ANKRD11: variants seen among roughly 807,000 people sequenced by gnomAD.
ANKRD11 encodes ankyrin repeat domain-containing protein 11.
A neutral mutation model predicts 195.7 loss-of-function variants in ANKRD11; 17 were observed. That is an observed-to-expected ratio of 0.09 (90% CI 0.06 to 0.13). The LOEUF is 0.13. Among genes scored for constraint, ANKRD11 ranks in the 10% least tolerant of loss-of-function variants. The pLI, the probability that ANKRD11 is intolerant of heterozygous loss-of-function variation, is 1.00. For missense variants in ANKRD11, 3,735 were observed against 3,566.1 expected, an observed-to-expected ratio of 1.05 and a Z score of -1.21; for synonymous variants, 1,953 against 1,528.1, an observed-to-expected ratio of 1.28 and a Z score of -6.49.
At chr16:89,451,372 T>A (rs2044064049) in intron 1 of ANKRD11, among the ~76,000 whole-genome samples, 1 of 152,110 alleles carries the variant, frequency 6.6e-6, no homozygotes, top group African/African-American at 2.4e-5. Context: ...GTGCCAAAAA[T>A]TTTCTAAAAT....
At chr16:89,341,566 A>T (rs1207588704) in intron 2 of ANKRD11, among the ~76,000 whole-genome samples, 5 of 151,160 alleles carry the variant, frequency 3.3e-5, no homozygotes, top group Non-Finnish European at 5.9e-5. Flanking sequence ...ATAATGGCAT[A>T]AAAAAAATTC....
chr16:89,433,323 ATTAGTC>A (rs2043078183), intron 1 of ANKRD11, among the ~76,000 whole-genome samples: 1 of 152,236 alleles, frequency 6.6e-6, no homozygotes, highest in Admixed American at 6.5e-5. Flanking sequence ...CTACAAGTTA[ATTAGTC>A]CATTTCTAGG....
intron 2 of ANKRD11, chr16:89,392,235 T>C (rs1442265055): frequency 6.6e-6 from 1 of 152,292 alleles, no homozygotes; most frequent in Non-Finnish European, 1.5e-5. Context: ...GAGTGTACCC[T>C]TTCTGCAGAA....
At chr16:89,486,005 G>T (rs1260431867) in intron 1 of ANKRD11, among the ~76,000 whole-genome samples, 1 of 152,202 alleles carries the variant, frequency 6.6e-6, no homozygotes, top group Non-Finnish European at 1.5e-5. Context: ...ACTCTGGCCT[G>T]AAAACAGCAG....
intron 2 of ANKRD11, among the ~76,000 whole-genome samples, chr16:89,325,823 G>A (rs575548208): frequency 1.7e-4 from 26 of 152,208 alleles, no homozygotes; most frequent in Non-Finnish European, 3.4e-4. Flanking sequence ...TTTTGCTGCA[G>A]GACCTGTTCT....
chr16:89,423,514 G>A (rs1421156253), intron 1 of ANKRD11, among the ~76,000 whole-genome samples: 1 of 152,230 alleles, frequency 6.6e-6, no homozygotes, highest in Non-Finnish European at 1.5e-5. Context: ...TACTTTTTCA[G>A]TAACTTCAAA....
intron 2 of ANKRD11, among the ~76,000 whole-genome samples, chr16:89,411,704 C>T (rs970323980): frequency 2.0e-5 from 3 of 152,064 alleles, no homozygotes; most frequent in East Asian, 1.9e-4. Context: ...AGTTTACATT[C>T]GGAACCCACC....
At chr16:89,440,121 A>G (rs2043382930) in intron 1 of ANKRD11, among the ~76,000 whole-genome samples, 1 of 152,194 alleles carries the variant, frequency 6.6e-6, no homozygotes, top group African/African-American at 2.4e-5. Flanking sequence ...GCTCACCCGC[A>G]ACCATTTCCC....
intron 2 of ANKRD11, among the ~76,000 whole-genome samples, chr16:89,389,283 C>A (rs1332657427): frequency 6.6e-6 from 1 of 152,038 alleles, no homozygotes; most frequent in African/African-American, 2.4e-5. Flanking sequence ...CCTTGGCTTC[C>A]TACAGTGCTG....
rs1484819896 is a variant in ANKRD11, at chr16:89,281,120, T to C, written c.5422A>G (p.Lys1808Glu). 5 of 1,611,926 alleles carry C rather than the reference T, an allele frequency of 3.1e-6. No individual in the cohort carries two copies. The highest frequency in any genetic ancestry group is 1.3e-5 in the African/African-American group (1 of 74,822). ...GGAACGCTCTGCTGCCTGAAGAGCT[T>C]GTCTCCGACGCTGAATTCTTCCTCG... is the stretch of plus-strand genomic sequence containing the variant. ...TPEEEFSVGD[K>E]LFRQQSVPAA... is the part of the protein sequence containing the mutation. Residue 1808 changes from lysine to glutamate, a missense_variant, in exon 9 of 13, where the codon AAG becomes GAG. Transcript: ENST00000301030. The surrounding 1 kb of genome is among the most constrained non-coding windows in gnomAD (Gnocchi z 5.5).
intron 2 of ANKRD11, among the ~76,000 whole-genome samples, chr16:89,375,904 G>C (rs2040404525): frequency 3.3e-5 from 5 of 151,904 alleles, no homozygotes; most frequent in Admixed American, 3.3e-4. Context: ...CTCCCAAGAA[G>C]CAGAGCTCCC....
chr16:89,411,272 A>C (rs532929697), intron 2 of ANKRD11, among the ~76,000 whole-genome samples: 5 of 152,324 alleles, frequency 3.3e-5, no homozygotes, highest in Admixed American at 2.0e-4. Context: ...CTTCTCTTTC[A>C]AACTTGCAGC....
chr16:89,415,261 CTTT>C lies in ANKRD11; in HGVS notation c.-60+3020_-60+3022del, dbSNP rs34004237. On this transcript the variant is annotated intron_variant, in intron 2 of 12. Transcript: ENST00000301030. Reference sequence around the variant, plus strand: ...GAGCCACTGCACCTGGCCAGCTATTCTTTTTTTTTTTTTTTTTTTTTGAGATGG... The same window carrying C: ...GAGCCACTGCACCTGGCCAGCTATTCTTTTTTTTTTTTTTTTTTGAGATGG... Among the ~76,000 whole-genome samples the C allele has an allele frequency of 5.9e-4, 50 of 84,518 alleles. 1 individual carries two copies. The highest frequency in any genetic ancestry group is 7.0e-4 in the East Asian group (2 of 2,870). 55.4% of individuals were successfully genotyped at this position (84,518 alleles called of 152,430 possible). A position where few individuals can be genotyped will look rare whatever the true frequency, so the allele number is the denominator to read the frequency against.
At chr16:89,276,163 C>T (rs1444538019) in intron 9 of ANKRD11, among the ~76,000 whole-genome samples, 1 of 152,164 alleles carries the variant, frequency 6.6e-6, no homozygotes, top group East Asian at 1.9e-4. Flanking sequence ...CCAGGAAGAG[C>T]TCCTGACAGC....
chr16:89,403,021 C>G (rs147238395), intron 2 of ANKRD11, among the ~76,000 whole-genome samples: 1 of 152,322 alleles, frequency 6.6e-6, no homozygotes, highest in Non-Finnish European at 1.5e-5. Context: ...CATCAAACAC[C>G]AGGCTCCACA....
chr16:89,485,808 A>T (rs960627407), intron 1 of ANKRD11, among the ~76,000 whole-genome samples: 4 of 152,198 alleles, frequency 2.6e-5, no homozygotes, highest in Non-Finnish European at 5.9e-5. Flanking sequence ...TAAAACTTTC[A>T]TATCACTCCA....
intron 2 of ANKRD11, among the ~76,000 whole-genome samples, chr16:89,397,491 G>A (rs887484640): frequency 6.6e-6 from 1 of 152,240 alleles, no homozygotes; most frequent in African/African-American, 2.4e-5. Flanking sequence ...CCCCGTGGCG[G>A]GCCTTGCTGC....
chr16:89,296,384 C>G (rs2035439451), intron 4 of ANKRD11, among the ~76,000 whole-genome samples: 1 of 152,124 alleles, frequency 6.6e-6, no homozygotes, highest in Non-Finnish European at 1.5e-5. Context: ...TCCACAGCTC[C>G]CCGCTTCCTG....
chr16:89,386,846 C>T (rs1303974266), intron 2 of ANKRD11, among the ~76,000 whole-genome samples: 2 of 152,218 alleles, frequency 1.3e-5, no homozygotes, highest in African/African-American at 2.4e-5. Context: ...AGTCCTATCA[C>T]AGCCAGAGCT....
Sources: allele counts gnomAD v4.1 joint callset (sites outside exome capture counted in the v4.1 genomes callset), GRCh38; gene constraint gnomAD v4.1.1; non-coding constraint Gnocchi (gnomAD v3.1); transcripts MANE v1.5; gene names NCBI Gene and HGNC (gene_info 2026-07-23, HGNC 2026-07-21).